The following RNF220 variants were observed in gnomAD, a reference collection of about 807,000 sequenced individuals.
RNF220 encodes ring finger protein 220.
A neutral mutation model predicts 67.1 loss-of-function variants in RNF220; 7 were observed. The observed-to-expected ratio is 0.10, with a 90% CI of 0.06 to 0.20. RNF220 has a LOEUF of 0.20. Ranked by LOEUF, RNF220 falls within the 10% of genes least tolerant of loss-of-function variation. RNF220 has a pLI of 1.00. For missense variants in RNF220, 565 were observed against 740.3 expected (o/e 0.76, Z 2.75); for synonymous variants, 270 against 283.2 (o/e 0.95, Z 0.47).
intron 2 of RNF220, among the ~76,000 whole-genome samples, chr1:44,541,055 TGA>T (rs1372974873): frequency 1.3e-5 from 2 of 152,212 alleles, no homozygotes; most frequent in African/African-American, 4.8e-5. Flanking sequence ...TCCCAACAAC[TGA>T]GAGGTAGGTA....
At chr1:44,432,304 T>C (rs950111999) in intron 2 of RNF220, among the ~76,000 whole-genome samples, 2 of 152,204 alleles carry the variant, frequency 1.3e-5, no homozygotes, top group Non-Finnish European at 2.9e-5. Flanking sequence ...GGATTCTTGC[T>C]CTGTTGCCCA....
chr1:44,640,602 C>T (rs1289517820), intron 8 of RNF220, among the ~76,000 whole-genome samples: 1 of 152,206 alleles, frequency 6.6e-6, no homozygotes, highest in African/African-American at 2.4e-5. Context: ...AACGCGTTAT[C>T]GAGGAGGCCC....
intron 8 of RNF220, among the ~76,000 whole-genome samples, chr1:44,640,570 C>T (rs1425782307): frequency 1.3e-5 from 2 of 152,262 alleles, no homozygotes; most frequent in African/African-American, 4.8e-5. Flanking sequence ...CTCTCTGCGT[C>T]TCTCCTGACG....
At chr1:44,588,151 G>T (rs1487266529) in intron 2 of RNF220, among the ~76,000 whole-genome samples, 2 of 152,246 alleles carry the variant, frequency 1.3e-5, no homozygotes, top group Non-Finnish European at 2.9e-5. Context: ...GCAAGAGAAG[G>T]TCCCAGTATT....
At chr1:44,578,795 T>A (rs6695157) in intron 2 of RNF220, among the ~76,000 whole-genome samples, 3,574 of 152,306 alleles carry the variant, frequency 0.023, 133 homozygotes, top group African/African-American at 0.082. Flanking sequence ...GAGAGTGGGA[T>A]AATAACAGTA....
At chr1:44,596,315 A>C (rs1252350691) in intron 2 of RNF220, among the ~76,000 whole-genome samples, 4 of 152,128 alleles carry the variant, frequency 2.6e-5, no homozygotes, top group African/African-American at 9.7e-5. Context: ...TAATCCCAGC[A>C]CTTTGGGAGG....
chr1:44,644,584 G>A lies in RNF220; in HGVS notation c.1127-114G>A, dbSNP rs1022002496. 21 of 730,080 alleles carry A rather than the reference G, an allele frequency of 2.9e-5. No individual in the cohort carries two copies. The African/African-American group carries it at 3.0e-4, about 10-fold the overall frequency. The allele number at this position is 730,080 out of a possible 1,614,324, so 45.2% of individuals were successfully genotyped here. A position where few individuals can be genotyped will look rare whatever the true frequency, so the allele number is the denominator to read the frequency against. The stretch of plus-strand genomic sequence containing the variant: ...CTGGCTCTATACATCCCAGGCCCAG[G>A]TTTCCCTCTGGGCCTTATCAGGTCC... On this transcript the variant is annotated intron_variant, in intron 8 of 14. Coordinates refer to ENST00000361799, the MANE Select transcript of RNF220 (RefSeq NM_018150.4).
At chr1:44,418,025 C>T (rs1402412123) in intron 2 of RNF220, among the ~76,000 whole-genome samples, 6 of 152,214 alleles carry the variant, frequency 3.9e-5, no homozygotes, top group African/African-American at 1.4e-4. Context: ...TCGCCCTCCA[C>T]GTCCCTGCAC....
At chr1:44,618,668 C>G (rs952860586) in intron 3 of RNF220, among the ~76,000 whole-genome samples, 4 of 152,078 alleles carry the variant, frequency 2.6e-5, no homozygotes, top group African/African-American at 4.8e-5. Context: ...CATTCATGAG[C>G]CAGGGTGAAG....
At chr1:44,407,676 C>A (rs1005128456) in intron 1 of RNF220, among the ~76,000 whole-genome samples, 3 of 151,982 alleles carry the variant, frequency 2.0e-5, no homozygotes, top group Non-Finnish European at 4.4e-5. Flanking sequence ...GCCGGACGGC[C>A]GCGGTGCGGG....
intron 2 of RNF220, among the ~76,000 whole-genome samples, chr1:44,484,392 C>T (rs980207340): frequency 3.3e-5 from 5 of 152,004 alleles, no homozygotes; most frequent in African/African-American, 1.2e-4. Flanking sequence ...AGCTGTGTGC[C>T]CAGGAAGAAG....
intron 2 of RNF220, among the ~76,000 whole-genome samples, chr1:44,436,336 C>T (rs1366607389): frequency 6.6e-6 from 1 of 151,762 alleles, no homozygotes; most frequent in African/African-American, 2.4e-5. Context: ...GAAAGACAGC[C>T]AGTTTTAGGG....
At chr1:44,460,861 C>T (rs377427545) in intron 2 of RNF220, among the ~76,000 whole-genome samples, 1 of 147,364 alleles carries the variant, frequency 6.8e-6, no homozygotes, top group African/African-American at 2.5e-5. Flanking sequence ...GATTCTGAAC[C>T]CTAGGAGAAC....
At chr1:44,527,666 C>A (rs766165608) in intron 2 of RNF220, among the ~76,000 whole-genome samples, 2 of 151,702 alleles carry the variant, frequency 1.3e-5, no homozygotes, top group African/African-American at 2.4e-5. Flanking sequence ...TGGCTCACAC[C>A]TGTAATCCCA....
intron 2 of RNF220, among the ~76,000 whole-genome samples, chr1:44,515,973 C>T (rs913147334): frequency 3.3e-5 from 5 of 152,200 alleles, no homozygotes; most frequent in Non-Finnish European, 5.9e-5. Context: ...CCCGTCAGTG[C>T]GGATCTGAAG....
At chr1:44,581,337 G>A (rs756997121) in intron 2 of RNF220, among the ~76,000 whole-genome samples, 2 of 152,240 alleles carry the variant, frequency 1.3e-5, no homozygotes, top group Non-Finnish European at 2.9e-5. Context: ...CGGCAGGACA[G>A]GTCCCAGCTG....
At chr1:44,550,097 A>G (rs376857263) in intron 2 of RNF220, among the ~76,000 whole-genome samples, 1 of 152,238 alleles carries the variant, frequency 6.6e-6, no homozygotes, top group African/African-American at 2.4e-5. Flanking sequence ...CCTATGGCTC[A>G]ATTGCCCAAA....
intron 5 of RNF220, 120 bp from the exon 6 acceptor site, chr1:44,632,223 G>T (rs765313408): frequency 6.8e-6 from 11 of 1,611,884 alleles, no homozygotes; most frequent in Non-Finnish European, 9.3e-6. Flanking sequence ...GTTTGTTTAC[G>T]GGCTGTTTGG....
intron 2 of RNF220, among the ~76,000 whole-genome samples, chr1:44,506,782 T>C (rs1242726745): frequency 2.0e-5 from 3 of 152,164 alleles, no homozygotes; most frequent in Non-Finnish European, 4.4e-5. Flanking sequence ...GGTAAATTCA[T>C]AGACACAGAA....
Sources: allele counts gnomAD v4.1 joint callset (sites outside exome capture counted in the v4.1 genomes callset), GRCh38; gene constraint gnomAD v4.1.1; transcripts MANE v1.5; gene names NCBI Gene and HGNC (gene_info 2026-07-23, HGNC 2026-07-21).